The following LIN9 variants were observed in gnomAD, a reference collection of about 807,000 sequenced individuals.
LIN9 encodes the protein protein lin-9 homolog.
LIN9 carries 18 observed loss-of-function variants against 78.0 expected under a neutral mutation model. The observed-to-expected ratio is 0.23, with a 90% CI of 0.16 to 0.34. LIN9 has a LOEUF of 0.34. LIN9 is among the 10% of genes least tolerant of loss of function. The pLI is 1.00. For missense variants in LIN9, 451 were observed against 644.1 expected (o/e 0.70, Z 3.25); for synonymous variants, 192 against 215.2 (o/e 0.89, Z 0.94).
Position 226,301,384 on chromosome 1 carries a change from T to A in LIN9, c.32-179A>T, listed in dbSNP as rs79341771. ...TTCAAACTATAAACCAGAACTCAGA[T>A]AAAGAAAGAACTGGAGAGAGACATA... On this transcript the variant is annotated intron_variant, in intron 1 of 14. Transcript: ENST00000681046. Among the ~76,000 whole-genome samples, 37 of 152,184 alleles carry A rather than the reference T, an allele frequency of 2.4e-4. 1 individual carries two copies. In the East Asian group the frequency reaches 6.7e-3, roughly 28 times the overall value.
intron 2 of LIN9, among the ~76,000 whole-genome samples, chr1:226,299,277 G>A (rs1386517706): frequency 6.6e-6 from 1 of 152,088 alleles, no homozygotes; most frequent in Non-Finnish European, 1.5e-5. Flanking sequence ...GCCAAAGTGG[G>A]AGGATCACCT....
intron 7 of LIN9, among the ~76,000 whole-genome samples, chr1:226,269,007 A>G (rs1182397843): frequency 6.6e-6 from 1 of 152,192 alleles, no homozygotes; most frequent in African/African-American, 2.4e-5. Context: ...ACACAGATGA[A>G]CTGTGTCACT....
Position 226,231,259 on chromosome 1 carries a change from C to G in LIN9, c.*1242G>C, listed in dbSNP as rs1026211093. The G allele has an allele frequency of 3.9e-5, 6 of 152,480 alleles. No individual in the cohort carries two copies. Among genetic ancestry groups the G allele is most frequent in the African/African-American group, 1.4e-4 (6 of 41,420 alleles). 9.4% of individuals were successfully genotyped at this position (152,480 alleles called of 1,614,324 possible). A position where few individuals can be genotyped will look rare whatever the true frequency, so the allele number is the denominator to read the frequency against. On this transcript the variant is annotated 3_prime_UTR_variant, in exon 15 of 15. Coordinates refer to ENST00000681046, the MANE Select transcript of LIN9 (RefSeq NM_001366245.2). ...AGTTTAGCTAAATATAAACTCTGCA[C>G]TAAAGTTCTGCAGTGGCACAATACC...
At chr1:226,249,703 T>C (rs1658709453) in intron 11 of LIN9, among the ~76,000 whole-genome samples, 1 of 152,200 alleles carries the variant, frequency 6.6e-6, no homozygotes, top group South Asian at 2.1e-4. Context: ...CTTTGCCCCT[T>C]GAGCACAGTC....
intron 6 of LIN9, among the ~76,000 whole-genome samples, chr1:226,282,757 G>T (rs1454759023): frequency 1.3e-5 from 2 of 152,124 alleles, no homozygotes; most frequent in Non-Finnish European, 2.9e-5. Context: ...GGAGGCAGAG[G>T]TTGCAGTGAG....
chr1:226,286,276 C>T (rs1334276619), intron 6 of LIN9, 57 bp downstream of exon 6: 1 of 1,560,914 alleles, frequency 6.4e-7, no homozygotes. Flanking sequence ...ATTATAAGTA[C>T]ATGCACTGCT....
Position 226,233,493 on chromosome 1 carries a change from CTG to C in LIN9, c.1274_1275del (p.Ala425GlyfsTer11). 1 of 1,613,914 alleles carries C rather than the reference CTG, an allele frequency of 6.2e-7. No individual in the cohort carries two copies. Among genetic ancestry groups the C allele is most frequent in the Non-Finnish European group, 8.5e-7 (1 of 1,179,946 alleles). ...CTGCGTCTCATATCTGTTGGCTGAT[CTG>C]CAGGCTGGAGCCCCTGGTCTGGAGC... ...ELAPDQGLQP[A>X]DQPTDMRRRC... On this transcript the variant is annotated frameshift_variant, in exon 13 of 15. Coordinates refer to ENST00000681046, the MANE Select transcript of LIN9 (RefSeq NM_001366245.2). LOFTEE classifies it high-confidence loss of function.
intron 4 of LIN9, among the ~76,000 whole-genome samples, chr1:226,295,179 G>A (rs930994930): frequency 2.0e-5 from 3 of 152,112 alleles, no homozygotes; most frequent in African/African-American, 7.2e-5. Context: ...GCAGGGTGCA[G>A]TGGCTCACGA....
At chr1:226,308,631 A>C (rs1663076013) in intron 1 of LIN9, 1 of 152,604 alleles carries the variant, frequency 6.6e-6, no homozygotes, top group African/African-American at 2.4e-5. Flanking sequence ...TGACAGGACA[A>C]GATCAGAGGC....
intron 6 of LIN9, among the ~76,000 whole-genome samples, chr1:226,285,089 A>C (rs1413843990): frequency 6.6e-6 from 1 of 152,248 alleles, no homozygotes; most frequent in Admixed American, 6.5e-5. Context: ...ATAAGATTAA[A>C]TAATGTTATG....
chr1:226,304,808 T>C (rs1366263943), intron 1 of LIN9, among the ~76,000 whole-genome samples: 3 of 152,204 alleles, frequency 2.0e-5, no homozygotes. Context: ...CAGTACCTGC[T>C]CTGATGGGGC....
intron 10 of LIN9, among the ~76,000 whole-genome samples, chr1:226,255,743 T>C (rs909803195): frequency 6.6e-6 from 1 of 152,154 alleles, no homozygotes; most frequent in African/African-American, 2.4e-5. Flanking sequence ...TATTTATTTT[T>C]CTTTTTTTTC....
At chr1:226,300,751 G>C (rs1159526457) in intron 2 of LIN9, among the ~76,000 whole-genome samples, 1 of 152,144 alleles carries the variant, frequency 6.6e-6, no homozygotes, top group Non-Finnish European at 1.5e-5. Flanking sequence ...AGCTACTCAG[G>C]GGGCTGAGGC....
At chr1:226,290,333 C>CTTTTTTTTTTTTTTTTTTTT (rs60478152) in intron 4 of LIN9, among the ~76,000 whole-genome samples, 4 of 136,750 alleles carry the variant, frequency 2.9e-5, no homozygotes, top group Non-Finnish European at 3.2e-5. Context: ...GAGGCTATTT[C>CTTTTTTTTTTTTTTTTTTTT]TTTTTTTTTT....
chr1:226,304,038 T>C (rs543948955), intron 1 of LIN9, among the ~76,000 whole-genome samples: 2 of 152,366 alleles, frequency 1.3e-5, no homozygotes, highest in East Asian at 3.9e-4. Flanking sequence ...TTTGCCTCTC[T>C]GTGCTATTGT....
intron 4 of LIN9, among the ~76,000 whole-genome samples, chr1:226,292,255 GA>G (rs1661839108): frequency 6.6e-6 from 1 of 152,026 alleles, no homozygotes; most frequent in Admixed American, 6.6e-5. Flanking sequence ...CCACCTCCCA[GA>G]TTCAAGTGAT....
At chr1:226,309,684 C>T (rs1424169628), upstream of LIN9, 1 of 1,283,332 alleles carries the variant, frequency 7.8e-7, no homozygotes, top group East Asian at 5.7e-5. Context: ...CCGAGACCGC[C>T]GGCCGCAGCA....
Position 226,237,940 on chromosome 1 carries a change from A to C in LIN9, c.1245+1031T>G, listed in dbSNP as rs188008665. ...TGCACTCCAGCCTGGGCAACAGAGT[A>C]AGACTCTGTCTCAAAAAAAAAAAAA... On this transcript the variant is annotated intron_variant, in intron 12 of 14. Transcript: ENST00000681046. 5.1e-3 allele frequency among the ~76,000 whole-genome samples: 686 copies of C among 133,320 alleles called. 7 individuals carry two copies. The highest frequency in any genetic ancestry group is 0.017 in the African/African-American group (604 of 34,824). The allele number at this position is 133,320 out of a possible 152,430, so 87.5% of individuals were successfully genotyped here. A position where few individuals can be genotyped will look rare whatever the true frequency, so the allele number is the denominator to read the frequency against.
In LIN9 at chr1:226,249,605, TACCCTTATA is replaced by T. The variant is rs1331897285; in HGVS notation, c.1119+1225_1119+1233del. ...AGATACCTAACTGTATCCACACCTA[TACCCTTATA>T]ACATTTCATTCCAGAGATTCCCAGT... is the stretch of plus-strand genomic sequence containing the variant. On this transcript the variant is annotated intron_variant, in intron 11 of 14. Transcript: ENST00000681046. 2.0e-5 allele frequency among the ~76,000 whole-genome samples: 3 copies of T among 152,172 alleles called. No homozygotes were observed. In the East Asian group the frequency reaches 5.8e-4, roughly 29 times the overall value.
Sources: gnomAD v4.1 joint callset for allele counts (sites outside exome capture counted in the v4.1 genomes callset) on GRCh38, gnomAD v4.1.1 for gene constraint, MANE v1.5 for transcripts, NCBI Gene and HGNC (gene_info 2026-07-23, HGNC 2026-07-21) for gene names.